PPEF2: variants seen among roughly 807,000 people sequenced by gnomAD.
The protein encoded by PPEF2 is protein phosphatase with EF-hand domain 2.
Under a neutral mutation model 84.7 loss-of-function variants are expected in PPEF2, and 84 were observed. The observed-to-expected ratio is 0.99, with a 90% CI of 0.83 to 1.19. The LOEUF is 1.19. PPEF2 is among the 50% of genes most tolerant of loss of function. PPEF2 has a pLI of 0.00. For synonymous variants in PPEF2, 346 were observed against 345.2 expected, an observed-to-expected ratio of 1.00 and a Z score of -0.03; for missense variants, 924 against 937.5, an observed-to-expected ratio of 0.99 and a Z score of 0.19.
chr4:75,863,412 A>G (rs557349749), intron 16 of PPEF2, among the ~76,000 whole-genome samples: 1 of 151,820 alleles, frequency 6.6e-6, no homozygotes, highest in South Asian at 2.1e-4. Context: ...AGGCAGGAGA[A>G]TCACTTGAAC....
intron 1 of PPEF2, among the ~76,000 whole-genome samples, chr4:75,896,898 T>C (rs969055993): frequency 1.3e-5 from 2 of 152,092 alleles, no homozygotes; most frequent in Non-Finnish European, 2.9e-5. Flanking sequence ...TCTTTCTTTT[T>C]TGAGACAGAG....
chr4:75,861,002 T>C, intron 16 of PPEF2, 82 bp from the exon 17 acceptor site: 1 of 1,443,424 alleles, frequency 6.9e-7, no homozygotes, highest in Non-Finnish European at 9.6e-7. Context: ...CAAGGACACC[T>C]GCTCCCTACT....
At chr4:75,869,050 A>G (rs1400580994) in intron 13 of PPEF2, among the ~76,000 whole-genome samples, 1 of 152,068 alleles carries the variant, frequency 6.6e-6, no homozygotes, top group Non-Finnish European at 1.5e-5. Context: ...CCTAAAACTC[A>G]CCCCAAATTT....
At chr4:75,892,005 T>C (rs1218022387) in intron 2 of PPEF2, 27 bp from the exon 3 acceptor site, 1 of 1,606,628 alleles carries the variant, frequency 6.2e-7, no homozygotes, top group East Asian at 2.2e-5. Context: ...GAAGCAAGCC[T>C]GTGAGCTCGG....
intron 10 of PPEF2, among the ~76,000 whole-genome samples, chr4:75,880,983 G>A (rs1478823451): frequency 6.6e-6 from 1 of 151,436 alleles, no homozygotes; most frequent in Non-Finnish European, 1.5e-5. Flanking sequence ...TGTATTTTTA[G>A]TAGAGACGGG....
chr4:75,891,188 A>AAAAAGAAAAG (rs535616291), intron 4 of PPEF2, among the ~76,000 whole-genome samples: 21 of 151,378 alleles, frequency 1.4e-4, no homozygotes, highest in African/African-American at 3.9e-4. Context: ...CTCAAAAAAA[A>AAAAAGAAAAG]AAAAGAAAAG....
rs1168612020 is a variant in PPEF2, at chr4:75,888,439, A to T, written c.418-111T>A. ...CCCATCACCTAAGACCCCAAAAGTAACCCCAGTAAACTGCTCCTGGGACTA... is the reference window on the plus strand; with the variant it reads ...CCCATCACCTAAGACCCCAAAAGTATCCCCAGTAAACTGCTCCTGGGACTA... On this transcript the variant is annotated intron_variant, in intron 5 of 16. Transcript: ENST00000286719. The T allele has an allele frequency of 1.0e-5, 7 of 688,494 alleles. No individual in the cohort carries two copies. In the African/African-American group the frequency reaches 1.1e-4, roughly 10 times the overall value. 42.6% of individuals were successfully genotyped at this position (688,494 alleles called of 1,614,324 possible).
At position 75,860,368 on chromosome 4, in the gene PPEF2, T is replaced by G; in HGVS notation, c.*299A>C. ...AAAAAAACGTATAAAATGAAAACAA[T>G]GAGAGAGTTACATTGTCAGTGGTTC... On this transcript the variant is annotated 3_prime_UTR_variant, in exon 17 of 17. Coordinates refer to ENST00000286719, the MANE Select transcript of PPEF2 (RefSeq NM_006239.3). 2.8e-6 allele frequency: 1 copy of G among 357,664 alleles called. No homozygotes were observed. The highest frequency in any genetic ancestry group is 4.6e-5 in the South Asian group (1 of 21,582). The allele number at this position is 357,664 out of a possible 1,614,324, so 22.2% of individuals were successfully genotyped here.
At chr4:75,891,620 G>A in intron 4 of PPEF2, 28 bp downstream of exon 4, 1 of 1,584,924 alleles carries the variant, frequency 6.3e-7, no homozygotes, top group Non-Finnish European at 8.6e-7. Flanking sequence ...GCGACAGGAG[G>A]ACATGACATG....
intron 7 of PPEF2, among the ~76,000 whole-genome samples, chr4:75,886,299 C>T (rs1724721697): frequency 6.6e-6 from 1 of 152,186 alleles, no homozygotes; most frequent in South Asian, 2.1e-4. Context: ...GCCATCCCCG[C>T]CGGCCCGCAG....
chr4:75,868,176 C>T (rs1030988822), intron 13 of PPEF2, among the ~76,000 whole-genome samples: 32 of 149,814 alleles, frequency 2.1e-4, no homozygotes, highest in Admixed American at 1.6e-3. Context: ...ATTAGCCAGG[C>T]GTGGTGGCGT....
chr4:75,865,353 C>T (rs1263981109), intron 15 of PPEF2, among the ~76,000 whole-genome samples: 5 of 152,068 alleles, frequency 3.3e-5, no homozygotes, highest in South Asian at 4.1e-4. Context: ...CTTGTGGCAT[C>T]GTGTTGGCAC....
At chr4:75,882,272 T>C (rs2149221694) in intron 10 of PPEF2, among the ~76,000 whole-genome samples, 1 of 152,346 alleles carries the variant, frequency 6.6e-6, no homozygotes, top group African/African-American at 2.4e-5. Flanking sequence ...TTGATCTTCA[T>C]CTTTTTTTTC....
intron 16 of PPEF2, 105 bp from the exon 17 acceptor site, chr4:75,861,025 G>A: frequency 7.6e-7 from 1 of 1,307,910 alleles, no homozygotes; most frequent in Admixed American, 2.0e-5. Flanking sequence ...TCAACAGAGA[G>A]ACACACAAAT....
intron 8 of PPEF2, among the ~76,000 whole-genome samples, chr4:75,883,989 C>T (rs1434468054): frequency 2.6e-5 from 4 of 151,050 alleles, no homozygotes; most frequent in Non-Finnish European, 2.9e-5. Context: ...AAAAATTAGC[C>T]GGGCGTGGTG....
intron 10 of PPEF2, among the ~76,000 whole-genome samples, chr4:75,880,807 T>TCA (rs2149220924): frequency 2.4e-5 from 1 of 41,266 alleles, no homozygotes; most frequent in African/African-American, 3.6e-5. Context: ...ATAAATACTT[T>TCA]TTTTTTTTTT....
chr4:75,898,331 A>G (rs1464374188), intron 1 of PPEF2, among the ~76,000 whole-genome samples: 1 of 152,026 alleles, frequency 6.6e-6, no homozygotes, highest in African/African-American at 2.4e-5. Context: ...TGTTCCCAAC[A>G]TTCGTCTCTC....
Position 75,884,591 on chromosome 4 carries a change from T to C in PPEF2, c.746+3A>G. 1 of 1,589,408 alleles carries C rather than the reference T, an allele frequency of 6.3e-7. No individual in the cohort carries two copies. The highest frequency in any genetic ancestry group is 8.5e-7 in the Non-Finnish European group (1 of 1,172,050). On this transcript the variant is annotated splice_donor_region_variant and intron_variant, in intron 8 of 16. Coordinates refer to ENST00000286719, the MANE Select transcript of PPEF2 (RefSeq NM_006239.3). ...AAATACTCAAGCATGTTTTGACTTG[T>C]ACCGTAAGTTCACCATATGGTCCTC...
intron 10 of PPEF2, among the ~76,000 whole-genome samples, chr4:75,879,961 T>C (rs1299228464): frequency 2.6e-5 from 4 of 152,024 alleles, no homozygotes; most frequent in African/African-American, 9.7e-5. Context: ...CCCGAGTAGC[T>C]GGGAGTATAG....
Sources: allele counts gnomAD v4.1 joint callset (sites outside exome capture counted in the v4.1 genomes callset), GRCh38; gene constraint gnomAD v4.1.1; transcripts MANE v1.5; gene names NCBI Gene and HGNC (gene_info 2026-07-23, HGNC 2026-07-21).